PRDM10: variants seen among roughly 807,000 people sequenced by gnomAD.
The protein encoded by PRDM10 is PR domain zinc finger protein 10.
PRDM10 carries 65 observed loss-of-function variants against 133.1 expected under a neutral mutation model. The ratio of observed to expected loss-of-function variants is 0.49; its 90% CI spans 0.40 to 0.60. The LOEUF is 0.60. PRDM10 is among the 20% of genes least tolerant of loss of function. The probability of loss-of-function intolerance (pLI) is 0.00; values close to 1 mark genes in which losing one functional copy is unlikely to be tolerated. For synonymous variants in PRDM10, 582 were observed against 580.4 expected, an observed-to-expected ratio of 1.00 and a Z score of -0.04; for missense variants, 1,137 against 1,507.1, an observed-to-expected ratio of 0.75 and a Z score of 4.07.
At chr11:129,944,385 G>C (rs567205750) in intron 6 of PRDM10, among the ~76,000 whole-genome samples, 1 of 151,430 alleles carries the variant, frequency 6.6e-6, no homozygotes, top group Non-Finnish European at 1.5e-5. Context: ...ACGAGGTCAG[G>C]AGATCGAGAC....
chr11:129,927,634 G>A (rs1418784635), intron 11 of PRDM10, among the ~76,000 whole-genome samples: 1 of 152,030 alleles, frequency 6.6e-6, no homozygotes, highest in Non-Finnish European at 1.5e-5. Flanking sequence ...CCACCACCTG[G>A]CTCCACTTTC....
chr11:129,918,447 C>T lies in PRDM10; in HGVS notation c.2214+92G>A. On this transcript the variant is annotated intron_variant, in intron 14 of 20. Coordinates refer to ENST00000360871, the MANE Select transcript of PRDM10 (RefSeq NM_199437.2). The surrounding 1 kb of genome is among the most constrained non-coding windows in gnomAD (Gnocchi z 5.3). ...TTGACAAAACCATTGATCGATATAA[C>T]TTAGGACACAATGCAACACAAACGT... is the stretch of plus-strand genomic sequence containing the variant. The T allele has an allele frequency of 6.9e-7, 1 of 1,451,652 alleles. No homozygotes were observed. 89.9% of individuals were successfully genotyped at this position (1,451,652 alleles called of 1,614,324 possible).
At chr11:129,951,952 C>T (rs1591654787) in intron 4 of PRDM10, among the ~76,000 whole-genome samples, 1 of 151,782 alleles carries the variant, frequency 6.6e-6, no homozygotes, top group African/African-American at 2.4e-5. Flanking sequence ...AAAAAACCAT[C>T]CTCTGTGTTC....
intron 4 of PRDM10, among the ~76,000 whole-genome samples, chr11:129,951,046 C>T (rs1326286513): frequency 6.6e-6 from 1 of 152,206 alleles, no homozygotes; most frequent in African/African-American, 2.4e-5. Context: ...TTACCAGAAA[C>T]ATGCAAACTG....
intron 13 of PRDM10, among the ~76,000 whole-genome samples, chr11:129,921,854 CCTGA>C (rs1209493857): frequency 5.9e-5 from 9 of 152,230 alleles, no homozygotes; most frequent in African/African-American, 2.2e-4. Flanking sequence ...CAGCTGTCTT[CCTGA>C]CTGCCAGCCC....
intron 1 of PRDM10, among the ~76,000 whole-genome samples, chr11:129,985,806 A>T (rs1565512115): frequency 8.8e-6 from 1 of 114,168 alleles, no homozygotes; most frequent in African/African-American, 4.8e-5. Flanking sequence ...AAAAAAAAAA[A>T]AAAATATATA....
At chr11:129,950,741 C>T (rs114405229) in intron 4 of PRDM10, among the ~76,000 whole-genome samples, 2,013 of 152,292 alleles carry the variant, frequency 0.013, 47 homozygotes, top group African/African-American at 0.046. Context: ...AGCATATGTA[C>T]ACCTCTACTC....
At chr11:129,908,132 T>A (rs1005780051) in intron 19 of PRDM10, among the ~76,000 whole-genome samples, 5 of 151,956 alleles carry the variant, frequency 3.3e-5, no homozygotes, top group Admixed American at 1.3e-4. Context: ...TTACTGTCAT[T>A]TCTTCTTAGG....
intron 1 of PRDM10, among the ~76,000 whole-genome samples, chr11:129,990,374 A>G (rs1438149984): frequency 6.7e-6 from 1 of 150,022 alleles, no homozygotes; most frequent in Admixed American, 6.7e-5. Context: ...TTCCAAAAAT[A>G]AGCCGGGCGT....
At chr11:129,929,313 G>A (rs1950777496) in intron 11 of PRDM10, 1 of 1,178,660 alleles carries the variant, frequency 8.5e-7, no homozygotes, top group South Asian at 1.7e-5. Context: ...ACCAAACTGT[G>A]GTTTCCACCA....
chr11:129,998,441 G>A (rs1939174725), intron 1 of PRDM10, among the ~76,000 whole-genome samples: 2 of 152,170 alleles, frequency 1.3e-5, no homozygotes, highest in Admixed American at 6.5e-5. Context: ...CAATAAACGA[G>A]AGTTTAACTA....
chr11:129,958,073 A>G (rs1050141610), intron 2 of PRDM10, among the ~76,000 whole-genome samples, 163 bp from the exon 3 acceptor site: 1 of 152,204 alleles, frequency 6.6e-6, no homozygotes, highest in African/African-American at 2.4e-5. Flanking sequence ...GGACCTTGTC[A>G]TTGATTTACT....
intron 1 of PRDM10, among the ~76,000 whole-genome samples, chr11:129,981,464 A>T (rs1938106866): frequency 1.3e-5 from 2 of 152,158 alleles, no homozygotes; most frequent in Admixed American, 6.5e-5. Context: ...ATGTAATCAT[A>T]CTTTTTTTTC....
chr11:129,930,960 G>A, intron 11 of PRDM10, 56 bp downstream of exon 11: 3 of 1,549,158 alleles, frequency 1.9e-6, no homozygotes, highest in Non-Finnish European at 2.6e-6. Flanking sequence ...CAGAGAGCTG[G>A]TGGTGGGAGG....
At chr11:129,961,329 G>T (rs1377549415) in intron 1 of PRDM10, among the ~76,000 whole-genome samples, 4 of 151,836 alleles carry the variant, frequency 2.6e-5, no homozygotes, top group African/African-American at 9.7e-5. Context: ...TTTTGAGATG[G>T]AGTCTCGCTC....
chr11:129,912,130 G>A lies in PRDM10; in HGVS notation c.2937C>T (p.His979=), dbSNP rs1203621425. ...PYPQHAIQVQ[H]IQVSEPTASA... ...AGGCGGTAGGCTCGCTGACCTGGAT[G>A]TGCTGCACCTGGATGGCGTGCTGGG... Residue 979 remains histidine, a synonymous_variant, in exon 18 of 21, where the codon CAC becomes CAT. Transcript: ENST00000360871. The A allele has an allele frequency of 6.8e-6, 11 of 1,613,128 alleles. No homozygotes were observed. The highest frequency in any genetic ancestry group is 9.3e-6 in the Non-Finnish European group (11 of 1,179,670).
intron 1 of PRDM10, among the ~76,000 whole-genome samples, chr11:129,991,997 A>G (rs1034787218): frequency 2.6e-5 from 4 of 152,100 alleles, no homozygotes; most frequent in Non-Finnish European, 4.4e-5. Flanking sequence ...ACAAAAATAA[A>G]AACTATGTGA....
At chr11:130,001,155 C>T (rs1190255966) in intron 1 of PRDM10, among the ~76,000 whole-genome samples, 1 of 152,034 alleles carries the variant, frequency 6.6e-6, no homozygotes, top group Non-Finnish European at 1.5e-5. Context: ...TGAATAAACA[C>T]TGTTTAAACG....
At chr11:129,982,504 A>C (rs77240292) in intron 1 of PRDM10, among the ~76,000 whole-genome samples, 3,582 of 152,216 alleles carry the variant, frequency 0.024, 113 homozygotes, top group African/African-American at 0.074. Flanking sequence ...ATATACATTC[A>C]CACACAAAGA....
Sources: gnomAD v4.1 joint callset for allele counts (sites outside exome capture counted in the v4.1 genomes callset) on GRCh38, gnomAD v4.1.1 for gene constraint, Gnocchi (gnomAD v3.1) non-coding constraint, MANE v1.5 for transcripts, NCBI Gene and HGNC (gene_info 2026-07-23, HGNC 2026-07-21) for gene names.